The following TRABD2B variants were observed in gnomAD, a reference collection of about 807,000 sequenced individuals.
TRABD2B encodes TraB domain containing 2B, also known as metalloprotease TIKI2.
A neutral mutation model predicts 40.1 loss-of-function variants in TRABD2B; 14 were observed. The ratio of observed to expected loss-of-function variants is 0.35; its 90% confidence interval spans 0.23 to 0.55. TRABD2B has a LOEUF of 0.55. TRABD2B is among the 20% of genes least tolerant of loss of function. TRABD2B has a pLI of 0.90. For missense variants in TRABD2B, 541 were observed against 648.6 expected (o/e 0.83, Z 1.80); for synonymous variants, 263 against 277.0 (o/e 0.95, Z 0.50).
In TRABD2B at chr1:47,849,954, C is replaced by G. The variant is rs12060038; in HGVS notation, c.667-48335G>C. 5.4e-3 allele frequency among the ~76,000 whole-genome samples: 816 copies of G among 152,332 alleles called. 8 individuals are homozygous for G. The highest frequency in any genetic ancestry group is 0.019 in the African/African-American group (785 of 41,572). ...TGTTCCTTCCAGAAGAAGCTGCAGC[C>G]CCAGCCAGCACTGGCCCACAGACTC... On this transcript the variant is annotated intron_variant, in intron 2 of 6. Transcript: ENST00000606738.
intron 2 of TRABD2B, among the ~76,000 whole-genome samples, chr1:47,812,171 C>T (rs577345171): frequency 2.6e-5 from 4 of 152,224 alleles, no homozygotes; most frequent in Admixed American, 1.3e-4. Context: ...ACCGAACACA[C>T]TCTGTCCATT....
At chr1:47,815,824 G>GAT (rs1645023925) in intron 2 of TRABD2B, among the ~76,000 whole-genome samples, 1 of 83,586 alleles carries the variant, frequency 1.2e-5, no homozygotes, top group Non-Finnish European at 3.0e-5. Context: ...TAGATAGATA[G>GAT]ATAGATAGAT....
At chr1:47,776,995 C>T (rs1042165273) in intron 5 of TRABD2B, among the ~76,000 whole-genome samples, 7 of 152,188 alleles carry the variant, frequency 4.6e-5, no homozygotes, top group Non-Finnish European at 1.0e-4. Context: ...CGCCCCCCTC[C>T]GCCCTGCCAA....
rs1274972680 is a variant in TRABD2B at position 47,997,048 on chromosome 1, G to T, written c.-259C>A. The T allele has an allele frequency of 1.0e-6, 1 of 984,714 alleles. No individual in the cohort carries two copies. The highest frequency in any genetic ancestry group is 1.2e-6 in the Non-Finnish European group (1 of 829,706). The allele number at this position is 984,714 out of a possible 1,614,324, so 61.0% of individuals were successfully genotyped here. On this transcript the variant is annotated 5_prime_UTR_variant, in exon 1 of 7. Coordinates refer to ENST00000606738, the MANE Select transcript of TRABD2B (RefSeq NM_001194986.2). ...GCTCAACCTCGCTGGCCGAGCCCCC[G>T]GGTGCTGAGGGCGTGTTGGGGTCCG...
intron 2 of TRABD2B, among the ~76,000 whole-genome samples, chr1:47,947,662 C>A (rs1645278517): frequency 6.6e-6 from 1 of 152,034 alleles, no homozygotes; most frequent in African/African-American, 2.4e-5. Context: ...GGCCATGGCC[C>A]ATAGAGTGAA....
intron 2 of TRABD2B, among the ~76,000 whole-genome samples, chr1:47,876,818 A>G (rs1008663772): frequency 4.9e-4 from 75 of 152,270 alleles, no homozygotes; most frequent in African/African-American, 1.7e-3. Flanking sequence ...CTAAGCACCA[A>G]CTGTTTGCCA....
chr1:47,929,699 T>C (rs941828812), intron 2 of TRABD2B, among the ~76,000 whole-genome samples: 2 of 152,186 alleles, frequency 1.3e-5, no homozygotes, highest in African/African-American at 4.8e-5. Flanking sequence ...GCTCGGGACC[T>C]GGCAGAGTGG....
chr1:47,905,864 G>A (rs185639328), intron 2 of TRABD2B, among the ~76,000 whole-genome samples: 2 of 152,260 alleles, frequency 1.3e-5, no homozygotes, highest in Admixed American at 6.5e-5. Flanking sequence ...GGAAGGCAAG[G>A]TTTTAATTCT....
intron 2 of TRABD2B, among the ~76,000 whole-genome samples, chr1:47,957,780 A>G (rs1645446669): frequency 6.6e-6 from 1 of 152,228 alleles, no homozygotes; most frequent in Admixed American, 6.5e-5. Flanking sequence ...GTTGGAAAAC[A>G]CTCTGCAGGA....
At chr1:47,826,494 G>A (rs1645175689) in intron 2 of TRABD2B, among the ~76,000 whole-genome samples, 1 of 152,088 alleles carries the variant, frequency 6.6e-6, no homozygotes, top group Admixed American at 6.5e-5. Flanking sequence ...TGCATTAAAA[G>A]GAGCCATGAT....
chr1:47,912,203 C>A (rs1202553965), intron 2 of TRABD2B, among the ~76,000 whole-genome samples: 1 of 152,118 alleles, frequency 6.6e-6, no homozygotes, highest in Non-Finnish European at 1.5e-5. Flanking sequence ...TTGTTTCTTG[C>A]CACAAGATAT....
intron 2 of TRABD2B, among the ~76,000 whole-genome samples, chr1:47,868,437 T>C (rs570188465): frequency 2.0e-5 from 3 of 152,198 alleles, no homozygotes; most frequent in Non-Finnish European, 4.4e-5. Context: ...GGTCATGGAC[T>C]GGTACATGTC....
intron 2 of TRABD2B, among the ~76,000 whole-genome samples, chr1:47,855,661 T>C (rs773911395): frequency 2.8e-4 from 42 of 152,242 alleles, no homozygotes; most frequent in Admixed American, 3.9e-4. Context: ...TCTCCCAAAC[T>C]TCCTATGCTG....
At chr1:47,815,035 C>T (rs1249031276) in intron 2 of TRABD2B, among the ~76,000 whole-genome samples, 1 of 152,180 alleles carries the variant, frequency 6.6e-6, no homozygotes, top group East Asian at 1.9e-4. Flanking sequence ...CCCAAGGTCA[C>T]ACAGCAAGCC....
intron 2 of TRABD2B, among the ~76,000 whole-genome samples, chr1:47,845,112 G>A (rs1000369138): frequency 6.6e-6 from 1 of 152,096 alleles, no homozygotes; most frequent in East Asian, 1.9e-4. Flanking sequence ...GTGCGTGCTC[G>A]TGACCAGCTT....
At chr1:47,821,224 C>A (rs1024208502) in intron 2 of TRABD2B, among the ~76,000 whole-genome samples, 1 of 152,222 alleles carries the variant, frequency 6.6e-6, no homozygotes, top group African/African-American at 2.4e-5. Flanking sequence ...CCACCAGTGG[C>A]TGTTCTGTAT....
At chr1:47,919,927 C>T (rs1184807867) in intron 2 of TRABD2B, among the ~76,000 whole-genome samples, 1 of 152,178 alleles carries the variant, frequency 6.6e-6, no homozygotes, top group East Asian at 1.9e-4. Flanking sequence ...CTGGATGTCG[C>T]ACTGAGCATT....
intron 2 of TRABD2B, chr1:47,820,123 TC>T (rs1322885800): frequency 6.6e-6 from 1 of 152,220 alleles, no homozygotes; most frequent in Non-Finnish European, 1.5e-5. Flanking sequence ...CACATCACCT[TC>T]CACAGGAAGG....
intron 2 of TRABD2B, among the ~76,000 whole-genome samples, chr1:47,927,432 G>A (rs569620482): frequency 3.3e-5 from 5 of 152,310 alleles, no homozygotes; most frequent in Admixed American, 2.6e-4. Context: ...CAAGCACTAC[G>A]GAGCTGGCTG....
Sources: allele counts gnomAD v4.1 joint callset (sites outside exome capture counted in the v4.1 genomes callset), GRCh38; gene constraint gnomAD v4.1.1; transcripts MANE v1.5; gene names NCBI Gene and HGNC (gene_info 2026-07-23, HGNC 2026-07-21).